Variants in FBH1 observed in about 807,000 individuals in gnomAD.
The protein encoded by FBH1 is F-box DNA helicase 1.
Under a neutral mutation model 115.5 loss-of-function variants are expected in FBH1, and 43 were observed. The ratio of observed to expected loss-of-function variants is 0.37; its 90% CI spans 0.29 to 0.48. The LOEUF (loss-of-function observed/expected upper bound fraction) is 0.48, where lower values mean the gene tolerates loss of function less well. Ranked by LOEUF, FBH1 falls within the 20% of genes least tolerant of loss-of-function variation. The pLI, the probability that FBH1 is intolerant of heterozygous loss-of-function variation, is 0.99. For missense variants in FBH1, 1,001 were observed against 1,337.3 expected (o/e 0.75, Z 3.92); for synonymous variants, 524 against 507.8 (o/e 1.03, Z -0.43).
rs1227636440 is a variant in FBH1, at chr10:5,921,203, T to G, written c.2101-55T>G. 1 of 1,551,646 alleles carries G rather than the reference T, an allele frequency of 6.4e-7. No individual in the cohort carries two copies. On this transcript the variant is annotated intron_variant, in intron 13 of 20. Transcript: ENST00000362091. The surrounding 1 kb of genome is among the most constrained non-coding windows in gnomAD (Gnocchi z 6.4). ...CAGGCTGTGGCAGCAGTGATGGAAA[T>G]GCACGGACACACCACAGGGCGGGCT...
intron 1 of FBH1, among the ~76,000 whole-genome samples, chr10:5,899,888 A>G (rs1843236565): frequency 6.6e-6 from 1 of 152,258 alleles, no homozygotes; most frequent in Admixed American, 6.5e-5. Flanking sequence ...AAAACTTCAA[A>G]TTTAGTTTTT....
Position 5,915,338 on chromosome 10 carries a change from T to G in FBH1, c.1397-65T>G. The G allele has an allele frequency of 1.9e-6, 3 of 1,554,064 alleles. No homozygotes were observed. The highest frequency in any genetic ancestry group is 1.8e-6 in the Non-Finnish European group (2 of 1,136,382). On this transcript the variant is annotated intron_variant, in intron 8 of 20. Transcript: ENST00000362091. This position sits in a 1 kb window ranked among gnomAD's most constrained non-coding sequence, Gnocchi z 5.2. ...TGTGATAAGCCTGGACAAGGCCTGA[T>G]TGGGGATCCCTGGGCATGTCTTGTC...
In FBH1 at chr10:5,918,321, T is replaced by G; in HGVS notation, c.1964-21T>G. ...GGGTGGAGGCCTCAAGGTTTCTCAC[T>G]TTTCCTCTCGTTGGTTACAGCTATC... On this transcript the variant is annotated intron_variant, in intron 12 of 20. Coordinates refer to ENST00000362091, the MANE Select transcript of FBH1 (RefSeq NM_178150.3). The surrounding 1 kb of genome is among the most constrained non-coding windows in gnomAD (Gnocchi z 4.0). The G allele has an allele frequency of 6.2e-7, 1 of 1,605,082 alleles. No individual in the cohort carries two copies. The highest frequency in any genetic ancestry group is 8.5e-7 in the Non-Finnish European group (1 of 1,177,878).
upstream of FBH1, chr10:5,889,911 G>T (rs568175490): frequency 5.6e-3 from 938 of 166,588 alleles, 11 homozygotes; most frequent in African/African-American, 0.02. Context: ...AGCCCCTGGG[G>T]GCCGGCGTTC....
At position 5,925,593 on chromosome 10, in the gene FBH1, TC is replaced by T; in HGVS notation, c.2722+103del. ...TTGTTGTTTGTTGGATGGTGTGGCC[TC>T]CTGGTAGGGCACTTCTGGAAAAACT... On this transcript the variant is annotated intron_variant, in intron 18 of 20. Transcript: ENST00000362091. The surrounding 1 kb of genome is among the most constrained non-coding windows in gnomAD (Gnocchi z 4.6). 2 of 1,518,422 alleles carry T rather than the reference TC, an allele frequency of 1.3e-6. No individual in the cohort carries two copies. The highest frequency in any genetic ancestry group is 1.8e-6 in the Non-Finnish European group (2 of 1,123,060). 94.1% of individuals were successfully genotyped at this position (1,518,422 alleles called of 1,614,324 possible). A position where few individuals can be genotyped will look rare whatever the true frequency, so the allele number is the denominator to read the frequency against.
At chr10:5,919,894 T>C (rs1158592789) in intron 13 of FBH1, among the ~76,000 whole-genome samples, 7 of 152,248 alleles carry the variant, frequency 4.6e-5, no homozygotes, top group Non-Finnish European at 8.8e-5. Context: ...ATATATCCTG[T>C]ACTCAGTTTC....
intron 18 of FBH1, among the ~76,000 whole-genome samples, chr10:5,926,030 C>T (rs1832625462): frequency 1.3e-5 from 2 of 152,146 alleles, no homozygotes; most frequent in South Asian, 4.1e-4. Context: ...TTCAGCTTCC[C>T]AAAGTGTTGG....
chr10:5,915,563 A>T lies in FBH1; in HGVS notation c.1557A>T (p.Ile519=), dbSNP rs1247232989. The change falls in exon 9 of 21, where the codon ATA becomes ATT. Residue 519 remains isoleucine, a synonymous_variant. Transcript: ENST00000362091. The surrounding 1 kb of genome is among the most constrained non-coding windows in gnomAD (Gnocchi z 5.2). ...TCCACTCCATGGCCTACGGGCACAT[A>T]GGGCGGAAGTGAGTACTGCTGTCAC... ...KTFHSMAYGH[I]GRKYQSKKKL... The T allele has an allele frequency of 6.2e-7, 1 of 1,614,160 alleles. No individual in the cohort carries two copies.
chr10:5,905,900 G>A lies in FBH1; in HGVS notation c.158-137G>A, dbSNP rs1402589024. 1.6e-5 allele frequency: 10 copies of A among 614,628 alleles called. 1 individual carries two copies. Among genetic ancestry groups the A allele is most frequent in the East Asian group, 2.7e-5 (1 of 36,402 alleles). The allele number at this position is 614,628 out of a possible 1,614,324, so 38.1% of individuals were successfully genotyped here. A position where few individuals can be genotyped will look rare whatever the true frequency, so the allele number is the denominator to read the frequency against. On this transcript the variant is annotated intron_variant, in intron 2 of 20. Coordinates refer to ENST00000362091, the MANE Select transcript of FBH1 (RefSeq NM_178150.3). ...TTTGGATTAGTTATTTATATAATCAGTTGGCCCATAAATGTGTTTTTATCT... is the reference window on the plus strand; with the variant it reads ...TTTGGATTAGTTATTTATATAATCAATTGGCCCATAAATGTGTTTTTATCT...
At position 5,913,930 on chromosome 10, in the gene FBH1, C is replaced by A; in HGVS notation, c.1304+91C>A. ...GAGATGTTTTGCTTCACTTTAGCAA[C>A]ATCATTGAGGTTAATAATGTAAATT... On this transcript the variant is annotated intron_variant, in intron 7 of 20. Transcript: ENST00000362091. This position sits in a 1 kb window ranked among gnomAD's most constrained non-coding sequence, Gnocchi z 4.4. 1 of 1,023,214 alleles carries A rather than the reference C, an allele frequency of 9.8e-7. No individual in the cohort carries two copies. The allele number at this position is 1,023,214 out of a possible 1,614,324, so 63.4% of individuals were successfully genotyped here.
chr10:5,912,806 T>C (rs576054970), intron 6 of FBH1, among the ~76,000 whole-genome samples: 3 of 152,170 alleles, frequency 2.0e-5, no homozygotes, highest in East Asian at 1.9e-4. Context: ...ACACACCACA[T>C]TGGGGTAGCG....
In FBH1 at chr10:5,921,676, G is replaced by A; in HGVS notation, c.2322+107G>A. On this transcript the variant is annotated intron_variant, in intron 15 of 20. Coordinates refer to ENST00000362091, the MANE Select transcript of FBH1 (RefSeq NM_178150.3). This position sits in a 1 kb window ranked among gnomAD's most constrained non-coding sequence, Gnocchi z 6.4. ...GGGATTATCATGCAAGAAAGCATTT[G>A]GGTTTTTGACTCTTTCCACCAGGCT... 6.7e-7 allele frequency: 1 copy of A among 1,481,702 alleles called. No individual in the cohort carries two copies. Among genetic ancestry groups the A allele is most frequent in the Non-Finnish European group, 9.0e-7 (1 of 1,109,200 alleles). 91.8% of individuals were successfully genotyped at this position (1,481,702 alleles called of 1,614,324 possible).
rs533280914 is a variant in FBH1, at chr10:5,917,212, C to T, written c.1789-208C>T. The T allele has an allele frequency of 2.5e-4, 144 of 580,748 alleles. No homozygotes were observed. The East Asian group carries it at 3.3e-3, about 13-fold the overall frequency. 36.0% of individuals were successfully genotyped at this position (580,748 alleles called of 1,614,324 possible). ...TCTCTGTCCTGTCACGGGCATGGCACGGCCCGGCTGCTTCCTGTCTCAGCA... is the reference window on the plus strand; with the variant it reads ...TCTCTGTCCTGTCACGGGCATGGCATGGCCCGGCTGCTTCCTGTCTCAGCA... On this transcript the variant is annotated intron_variant, in intron 10 of 20. Transcript: ENST00000362091. The surrounding 1 kb of genome is among the most constrained non-coding windows in gnomAD (Gnocchi z 5.6).
Position 5,915,166 on chromosome 10 carries a change from T to G in FBH1, c.1397-237T>G, listed in dbSNP as rs1235644435. On this transcript the variant is annotated intron_variant, in intron 8 of 20. Coordinates refer to ENST00000362091, the MANE Select transcript of FBH1 (RefSeq NM_178150.3). The surrounding 1 kb of genome is among the most constrained non-coding windows in gnomAD (Gnocchi z 5.2). ...AACTGAAGCTCATGAGGTCAAGGGG[T>G]CCACCTGTCCTTTGCCCCTCGGCTG... Among the ~76,000 whole-genome samples the G allele has an allele frequency of 6.6e-6, 1 of 152,150 alleles. No homozygotes were observed. Among genetic ancestry groups the G allele is most frequent in the Admixed American group, 6.5e-5 (1 of 15,284 alleles).
chr10:5,916,097 TCGC>T, intron 9 of FBH1, 134 bp from the exon 10 acceptor site: 1 of 750,378 alleles, frequency 1.3e-6, no homozygotes. Context: ...CAGAACTTTT[TCGC>T]TTTAAAACAT....
Position 5,924,686 on chromosome 10 carries a change from G to A in FBH1, c.2596+178G>A. 2 of 677,814 alleles carry A rather than the reference G, an allele frequency of 3.0e-6. No individual in the cohort carries two copies. The highest frequency in any genetic ancestry group is 2.1e-5 in the Admixed American group (1 of 47,838). 42.0% of individuals were successfully genotyped at this position (677,814 alleles called of 1,614,324 possible). The stretch of plus-strand genomic sequence containing the variant: ...GGGTTCAAGCAATTATCCTGCCTCA[G>A]CCTCGTGAGTAGCTGGGACTACAGG... On this transcript the variant is annotated intron_variant, in intron 17 of 20. Transcript: ENST00000362091. This position sits in a 1 kb window ranked among gnomAD's most constrained non-coding sequence, Gnocchi z 6.2.
Position 5,895,144 on chromosome 10 carries a change from G to T in FBH1, c.1+4798G>T. 6.2e-7 allele frequency: 1 copy of T among 1,613,946 alleles called. No homozygotes were observed. The highest frequency in any genetic ancestry group is 2.2e-5 in the East Asian group (1 of 44,884). ...TGGGCCATCTCCACAGGAGATGCCAGAGGACGAGTGCCCACTTGCTGGTCT... is the reference window on the plus strand; with the variant it reads ...TGGGCCATCTCCACAGGAGATGCCATAGGACGAGTGCCCACTTGCTGGTCT... On this transcript the variant is annotated intron_variant, in intron 1 of 20. Transcript: ENST00000362091. This position sits in a 1 kb window ranked among gnomAD's most constrained non-coding sequence, Gnocchi z 5.0.
In FBH1 at chr10:5,936,510, C is replaced by T. The variant is rs151032401; in HGVS notation, c.2884C>T (p.Arg962Cys). 6.2e-5 allele frequency: 100 copies of T among 1,614,054 alleles called. No homozygotes were observed. The highest frequency in any genetic ancestry group is 4.0e-4 in the African/African-American group (30 of 75,016). ...CAACGTCTTAAAAACAGGCGTGGTG[C>T]GCTGCTGCGTGGGACAGTGCAACAA... ...TSNVLKTGVV[R>C]CCVGQCNNAI... The change falls in exon 20 of 21, where the codon CGC becomes TGC. Residue 962 changes from arginine to cysteine, a missense_variant. Transcript: ENST00000362091. This position sits in a 1 kb window ranked among gnomAD's most constrained non-coding sequence, Gnocchi z 5.6.
rs1263462758 is a variant in FBH1, at chr10:5,933,681, C to T, written c.2830-2775C>T. The stretch of plus-strand genomic sequence containing the variant: ...TTTAAAAAACAGAGTCTCACTCTGT[C>T]GCCCAGGCTGGAGGGCAGTGGTGTG... On this transcript the variant is annotated intron_variant, in intron 19 of 20. Transcript: ENST00000362091. The surrounding 1 kb of genome is among the most constrained non-coding windows in gnomAD (Gnocchi z 4.9). 4.6e-5 allele frequency among the ~76,000 whole-genome samples: 7 copies of T among 151,100 alleles called. No homozygotes were observed. The highest frequency in any genetic ancestry group is 2.0e-4 in the Admixed American group (3 of 15,192).
Sources: allele counts gnomAD v4.1 joint callset (sites outside exome capture counted in the v4.1 genomes callset), GRCh38; gene constraint gnomAD v4.1.1; non-coding constraint Gnocchi (gnomAD v3.1); transcripts MANE v1.5; gene names NCBI Gene and HGNC (gene_info 2026-07-23, HGNC 2026-07-21).